The following MED12L variants were observed in gnomAD, a reference collection of about 807,000 sequenced individuals.
The protein encoded by MED12L is mediator of RNA polymerase II transcription subunit 12-like protein.
Under a neutral mutation model 281.3 loss-of-function variants are expected in MED12L, and 60 were observed. The observed-to-expected ratio is 0.21, with a 90% CI of 0.17 to 0.26. The LOEUF (loss-of-function observed/expected upper bound fraction) is 0.26. Ranked by LOEUF, MED12L falls within the 10% of genes least tolerant of loss-of-function variation. The pLI is 1.00. For synonymous variants in MED12L, 974 were observed against 987.2 expected (o/e 0.99, Z 0.25); for missense variants, 2,146 against 2,680.9 (o/e 0.80, Z 4.41).
chr3:151,217,986 C>G (rs1271099273), intron 16 of MED12L, among the ~76,000 whole-genome samples: 4 of 152,092 alleles, frequency 2.6e-5, no homozygotes, highest in Non-Finnish European at 5.9e-5. Context: ...GGATGAAAAT[C>G]AGGACAAAAT....
intron 7 of MED12L, 84 bp downstream of exon 7, chr3:151,158,883 A>G: frequency 1.1e-6 from 1 of 878,966 alleles, no homozygotes; most frequent in Non-Finnish European, 1.9e-6. Context: ...TGGAAGAGGA[A>G]AAGGAAAAAA....
chr3:151,105,196 G>C (rs16863164), intron 2 of MED12L, among the ~76,000 whole-genome samples: 1,951 of 152,240 alleles, frequency 0.013, 48 homozygotes, highest in African/African-American at 0.045. Flanking sequence ...TCAGGAGCTT[G>C]AACTTATCTG....
intron 16 of MED12L, among the ~76,000 whole-genome samples, chr3:151,227,450 G>A (rs935525544): frequency 6.6e-6 from 1 of 152,194 alleles, no homozygotes; most frequent in Non-Finnish European, 1.5e-5. Context: ...TTTATAAACT[G>A]ATAACGTCCA....
At chr3:151,258,572 A>G in intron 16 of MED12L, among the ~76,000 whole-genome samples, 1 of 152,112 alleles carries the variant, frequency 6.6e-6, no homozygotes, top group African/African-American at 2.4e-5. Context: ...ATCCTGAGGA[A>G]CTTGAGGATT....
intron 2 of MED12L, among the ~76,000 whole-genome samples, chr3:151,091,088 C>T (rs940619209): frequency 5.3e-5 from 8 of 151,808 alleles, no homozygotes; most frequent in African/African-American, 1.5e-4. Context: ...AAAAAGAGGC[C>T]GAAACATTTG....
chr3:151,187,731 T>G (rs1723462488), intron 12 of MED12L, among the ~76,000 whole-genome samples: 1 of 152,220 alleles, frequency 6.6e-6, no homozygotes, highest in African/African-American at 2.4e-5. Flanking sequence ...TGGCGGAATG[T>G]GATGAGTAAG....
At chr3:151,236,499 A>C (rs1559916525) in intron 16 of MED12L, among the ~76,000 whole-genome samples, 2 of 152,214 alleles carry the variant, frequency 1.3e-5, no homozygotes, top group Non-Finnish European at 2.9e-5. Context: ...CTCAGTAACC[A>C]AAACGAAAGC....
chr3:151,165,105 C>T (rs1384750909), intron 9 of MED12L, among the ~76,000 whole-genome samples: 2 of 151,972 alleles, frequency 1.3e-5, no homozygotes, highest in South Asian at 2.1e-4. Flanking sequence ...TGCTTTCACA[C>T]ATGGAAGAAT....
intron 4 of MED12L, among the ~76,000 whole-genome samples, chr3:151,126,072 A>G (rs1714474323): frequency 7.1e-6 from 1 of 141,262 alleles, no homozygotes; most frequent in Admixed American, 7.2e-5. Flanking sequence ...TTTTTGAGAC[A>G]TGATCTTGCT....
At chr3:151,274,146 G>A (rs1442050046) in intron 16 of MED12L, among the ~76,000 whole-genome samples, 1 of 152,314 alleles carries the variant, frequency 6.6e-6, no homozygotes, top group South Asian at 2.1e-4. Context: ...AGGCCTCGCT[G>A]CCACAAAACC....
Position 151,381,177 on chromosome 3 carries a change from A to T in MED12L, c.4590+953A>T, listed in dbSNP as rs139436722. On this transcript the variant is annotated intron_variant, in intron 32 of 44. Coordinates refer to ENST00000687756, the MANE Select transcript of MED12L (RefSeq NM_001393769.1). ...GTGTTTTATCCTGATACACAGCCTAATTGACCCCTTCTTGTGGCACTGTGT... is the reference window on the plus strand; with the variant it reads ...GTGTTTTATCCTGATACACAGCCTATTTGACCCCTTCTTGTGGCACTGTGT... 5.1e-3 allele frequency among the ~76,000 whole-genome samples: 779 copies of T among 152,296 alleles called. 11 individuals carry two copies. Among genetic ancestry groups the T allele is most frequent in the African/African-American group, 0.018 (739 of 41,562 alleles).
intron 2 of MED12L, among the ~76,000 whole-genome samples, chr3:151,090,397 T>C (rs1719871416): frequency 6.6e-6 from 1 of 152,200 alleles, no homozygotes; most frequent in Non-Finnish European, 1.5e-5. Context: ...CTCAGGCTTT[T>C]CTGATATATC....
At chr3:151,111,237 T>TA (rs1372794779) in intron 2 of MED12L, among the ~76,000 whole-genome samples, 5 of 152,248 alleles carry the variant, frequency 3.3e-5, no homozygotes, top group Non-Finnish European at 7.3e-5. Context: ...AAAAATATGA[T>TA]ACGAACAATA....
At chr3:151,204,058 T>TGAATGTTTGAA (rs2149170388) in intron 16 of MED12L, among the ~76,000 whole-genome samples, 1 of 152,332 alleles carries the variant, frequency 6.6e-6, no homozygotes, top group South Asian at 2.1e-4. Flanking sequence ...GAAAGAAGCC[T>TGAATGTTTGAA]AGCATGCTGG....
chr3:151,318,462 A>G (rs1392995027), intron 16 of MED12L, among the ~76,000 whole-genome samples: 1 of 151,008 alleles, frequency 6.6e-6, no homozygotes, highest in Non-Finnish European at 1.5e-5. Flanking sequence ...CCTTTTTGCC[A>G]TTTTTTCATG....
intron 1 of MED12L, 129 bp from the exon 2 acceptor site, chr3:151,086,669 G>GCCGCCA (rs899732930): frequency 2.9e-6 from 1 of 344,622 alleles, no homozygotes; most frequent in Admixed American, 4.6e-5. Flanking sequence ...TCCCTCCGCC[G>GCCGCCA]CCGCCACCGG....
intron 16 of MED12L, among the ~76,000 whole-genome samples, chr3:151,280,284 G>A (rs1009435581): frequency 2.6e-5 from 4 of 152,204 alleles, no homozygotes; most frequent in African/African-American, 9.7e-5. Context: ...CCTCATCTTG[G>A]GATGGGCCAG....
intron 16 of MED12L, among the ~76,000 whole-genome samples, chr3:151,321,825 C>T (rs548831760): frequency 9.9e-5 from 15 of 152,268 alleles, no homozygotes; most frequent in African/African-American, 3.6e-4. Context: ...ATCACTCCCC[C>T]CAATTGTCTC....
At chr3:151,186,841 G>C (rs1325851454) in intron 12 of MED12L, among the ~76,000 whole-genome samples, 1 of 152,162 alleles carries the variant, frequency 6.6e-6, no homozygotes, top group Non-Finnish European at 1.5e-5. Flanking sequence ...TAGAAGGTGA[G>C]CTGGACAGCA....
Sources: allele counts gnomAD v4.1 joint callset (sites outside exome capture counted in the v4.1 genomes callset), GRCh38; gene constraint gnomAD v4.1.1; transcripts MANE v1.5; gene names NCBI Gene and HGNC (gene_info 2026-07-23, HGNC 2026-07-21).